NFIA: variants seen among roughly 807,000 people sequenced by gnomAD.
The protein encoded by NFIA is nuclear factor 1 A-type.
In NFIA, 8 loss-of-function variants were observed where a neutral mutation model predicts 62.8. That is an observed-to-expected ratio of 0.13 (90% CI 0.07 to 0.23). NFIA has a LOEUF of 0.23. Ranked by LOEUF, NFIA falls within the 10% of genes least tolerant of loss-of-function variation. NFIA has a pLI of 1.00. For missense variants in NFIA, 410 were observed against 642.1 expected (o/e 0.64, Z 3.91); for synonymous variants, 235 against 238.1 (o/e 0.99, Z 0.12).
At chr1:61,121,129 T>G (rs1358535360) in intron 2 of NFIA, among the ~76,000 whole-genome samples, 1 of 152,222 alleles carries the variant, frequency 6.6e-6, no homozygotes, top group Non-Finnish European at 1.5e-5. Context: ...GTGTGACTTG[T>G]GTACTGCAAA....
upstream of NFIA, among the ~76,000 whole-genome samples, chr1:61,079,137 A>G (rs993214933): frequency 2.6e-5 from 4 of 152,210 alleles, no homozygotes; most frequent in African/African-American, 7.2e-5. Flanking sequence ...ACATGATTCA[A>G]TTTAGGATTA....
chr1:61,366,265 C>T (rs1663579970), intron 6 of NFIA, among the ~76,000 whole-genome samples: 1 of 151,952 alleles, frequency 6.6e-6, no homozygotes, highest in Non-Finnish European at 1.5e-5. Flanking sequence ...TAAGTACAGA[C>T]ATATCAGTAA....
At chr1:61,358,913 C>T (rs552671287) in intron 5 of NFIA, among the ~76,000 whole-genome samples, 1 of 152,296 alleles carries the variant, frequency 6.6e-6, no homozygotes, top group South Asian at 2.1e-4. Flanking sequence ...GTGGCAGCAG[C>T]AGCAACTTGA....
intron 2 of NFIA, among the ~76,000 whole-genome samples, chr1:61,137,641 G>C (rs1175511818): frequency 6.6e-6 from 1 of 152,056 alleles, no homozygotes; most frequent in Non-Finnish European, 1.5e-5. Context: ...GTGGGATCTG[G>C]GCGTTAGCAT....
chr1:61,082,893 C>T (rs1398487593), intron 1 of NFIA, 75 bp downstream of exon 1: 1 of 1,345,056 alleles, frequency 7.4e-7, no homozygotes, highest in Non-Finnish European at 9.7e-7. Context: ...GTGGGGGGCA[C>T]CGGGGCCGTC....
At chr1:61,131,094 A>G (rs1005376608) in intron 2 of NFIA, among the ~76,000 whole-genome samples, 1 of 152,058 alleles carries the variant, frequency 6.6e-6, no homozygotes, top group Non-Finnish European at 1.5e-5. Flanking sequence ...ACGAAGCAAG[A>G]TTAATTAAAA....
chr1:61,459,650 G>C lies in NFIA; in HGVS notation c.*4330G>C, dbSNP rs113049558. 2 of 152,228 alleles carry C rather than the reference G, an allele frequency of 1.3e-5. No homozygotes were observed. The highest frequency in any genetic ancestry group is 4.8e-5 in the African/African-American group (2 of 41,424). 9.4% of individuals were successfully genotyped at this position (152,228 alleles called of 1,614,324 possible). On this transcript the variant is annotated 3_prime_UTR_variant, in exon 11 of 11. Coordinates refer to ENST00000403491, the MANE Select transcript of NFIA (RefSeq NM_001134673.4). ...AGTGTGAAGGAACCCAGACTTCCCCGAGCCACGGTGTTCAGTCAGCCCACA... is the reference window on the plus strand; with the variant it reads ...AGTGTGAAGGAACCCAGACTTCCCCCAGCCACGGTGTTCAGTCAGCCCACA...
intron 3 of NFIA, among the ~76,000 whole-genome samples, chr1:61,305,960 G>A (rs572982201): frequency 6.6e-6 from 1 of 150,514 alleles, no homozygotes; most frequent in Non-Finnish European, 1.5e-5. Context: ...CCATTCTCCT[G>A]CATCAGCCTC....
At chr1:61,165,259 G>A (rs981662588) in intron 2 of NFIA, among the ~76,000 whole-genome samples, 71 of 152,130 alleles carry the variant, frequency 4.7e-4, no homozygotes, top group African/African-American at 1.6e-3. Context: ...TGAGATAAAT[G>A]CCTGTTTTGT....
chr1:61,314,855 C>G (rs946219293), intron 3 of NFIA, among the ~76,000 whole-genome samples: 1 of 152,154 alleles, frequency 6.6e-6, no homozygotes, highest in Non-Finnish European at 1.5e-5. Flanking sequence ...CAAGCCTTCC[C>G]CACTAGCTGT....
intron 2 of NFIA, among the ~76,000 whole-genome samples, chr1:61,116,762 T>A (rs192294769): frequency 2.0e-5 from 3 of 152,372 alleles, no homozygotes; most frequent in Admixed American, 2.0e-4. Flanking sequence ...ATTCTCATTT[T>A]AGACATCTGT....
At chr1:61,128,627 A>T (rs1348580966) in intron 2 of NFIA, among the ~76,000 whole-genome samples, 1 of 152,154 alleles carries the variant, frequency 6.6e-6, no homozygotes, top group African/African-American at 2.4e-5. Context: ...TATGTTTGAC[A>T]TTTAAAAAAA....
chr1:61,132,629 C>T (rs1647100951), intron 2 of NFIA: 1 of 151,890 alleles, frequency 6.6e-6, no homozygotes, highest in South Asian at 2.1e-4. Flanking sequence ...GCTAAAAAGA[C>T]AATTAAGGAG....
chr1:61,359,782 G>A (rs1366338010), intron 6 of NFIA, among the ~76,000 whole-genome samples: 1 of 152,000 alleles, frequency 6.6e-6, no homozygotes, highest in African/African-American at 2.4e-5. Flanking sequence ...GTTTCACCAT[G>A]TTGGCCAAGC....
chr1:61,307,807 T>A (rs1659881184), intron 3 of NFIA, among the ~76,000 whole-genome samples: 1 of 152,222 alleles, frequency 6.6e-6, no homozygotes, highest in Non-Finnish European at 1.5e-5. Context: ...TTTCTGAGCA[T>A]TTTGTGATGA....
intron 2 of NFIA, among the ~76,000 whole-genome samples, chr1:61,190,765 A>G (rs1402253328): frequency 6.6e-6 from 1 of 152,212 alleles, no homozygotes; most frequent in Non-Finnish European, 1.5e-5. Context: ...TCTAGACCAT[A>G]TTTGGTTACC....
intron 2 of NFIA, among the ~76,000 whole-genome samples, chr1:61,149,799 A>G (rs572956080): frequency 6.6e-6 from 1 of 152,298 alleles, no homozygotes; most frequent in East Asian, 1.9e-4. Flanking sequence ...ATGATGAGAA[A>G]TGATAAATGT....
chr1:61,448,951 A>T (rs1023369627), intron 10 of NFIA, among the ~76,000 whole-genome samples: 1 of 152,162 alleles, frequency 6.6e-6, no homozygotes, highest in African/African-American at 2.4e-5. Context: ...GAGGTACTGG[A>T]TGGCTTATTG....
At chr1:61,358,379 CTTTTTTT>C (rs34853369) in intron 5 of NFIA, among the ~76,000 whole-genome samples, 72 of 52,620 alleles carry the variant, frequency 1.4e-3, no homozygotes, top group Non-Finnish European at 1.9e-3. Flanking sequence ...TTCTTTCTTT[CTTTTTTT>C]TTTTTTTTTT....
Sources: allele counts gnomAD v4.1 joint callset (sites outside exome capture counted in the v4.1 genomes callset), GRCh38; gene constraint gnomAD v4.1.1; transcripts MANE v1.5; gene names NCBI Gene and HGNC (gene_info 2026-07-23, HGNC 2026-07-21).